RGS6: variants seen among roughly 807,000 people sequenced by gnomAD.
The protein encoded by RGS6 is regulator of G protein signaling 6, also known as regulator of G-protein signaling 6.
A neutral mutation model predicts 78.5 loss-of-function variants in RGS6; 30 were observed. The ratio of observed to expected loss-of-function variants is 0.38; its 90% CI spans 0.29 to 0.52. The LOEUF is 0.52. Ranked by LOEUF, RGS6 falls within the 20% of genes least tolerant of loss-of-function variation. RGS6 has a pLI of 0.85. For synonymous variants in RGS6, 206 were observed against 206.0 expected (o/e 1.00, Z 0.00); for missense variants, 495 against 609.7 (o/e 0.81, Z 1.98).
In RGS6 at chr14:72,472,909, T is replaced by G; in HGVS notation, c.574T>G (p.Leu192Val). ...RKKDKTERKI[L>V]DSQERAFWDV... is the part of the protein sequence containing the mutation. ...AAAAGACAAGACAGAAAGGAAAATT[T>G]TGGATAGTCAAGAACGAGCCTTTTG... The change falls in exon 9 of 18, where the codon TTG becomes GTG. Residue 192 changes from leucine to valine, a missense_variant. Transcript: ENST00000553525. The G allele has an allele frequency of 6.2e-7, 1 of 1,613,564 alleles. No individual in the cohort carries two copies. Among genetic ancestry groups the G allele is most frequent in the Non-Finnish European group, 8.5e-7 (1 of 1,179,742 alleles).
chr14:71,945,181 C>T (rs558074838), intron 1 of RGS6, among the ~76,000 whole-genome samples: 2 of 152,332 alleles, frequency 1.3e-5, no homozygotes, highest in Admixed American at 6.5e-5. Flanking sequence ...TGCCCCTTCT[C>T]ATTGCTCTTC....
intron 2 of RGS6, among the ~76,000 whole-genome samples, chr14:72,211,279 A>AG (rs1446481363): frequency 6.6e-6 from 1 of 152,228 alleles, no homozygotes; most frequent in African/African-American, 2.4e-5. Context: ...CAACAGTGTC[A>AG]GGTGCAGCTA....
chr14:72,014,790 A>G (rs1448433502), intron 2 of RGS6, among the ~76,000 whole-genome samples: 1 of 151,906 alleles, frequency 6.6e-6, no homozygotes, highest in Non-Finnish European at 1.5e-5. Flanking sequence ...TTTTTCTTTG[A>G]AAGACAGTGT....
At chr14:71,907,967 C>T in the RGS6 span, among the ~76,000 whole-genome samples, 1 of 152,264 alleles carries the variant, frequency 6.6e-6, no homozygotes, top group Non-Finnish European at 1.5e-5. Flanking sequence ...TCCTAAGGAA[C>T]ATTTTCCATC....
chr14:72,545,274 C>T (rs574282881), intron 17 of RGS6, among the ~76,000 whole-genome samples: 1 of 152,354 alleles, frequency 6.6e-6, no homozygotes, highest in South Asian at 2.1e-4. Context: ...AACCCTGGCC[C>T]TGGCTGGAGC....
intron 2 of RGS6, among the ~76,000 whole-genome samples, chr14:72,240,147 G>A (rs1208771103): frequency 1.3e-5 from 2 of 152,088 alleles, no homozygotes; most frequent in Non-Finnish European, 2.9e-5. Flanking sequence ...ACCCTCTAAC[G>A]GTGGCATTTC....
chr14:72,288,928 G>C (rs959841689), intron 2 of RGS6, among the ~76,000 whole-genome samples: 9 of 152,100 alleles, frequency 5.9e-5, no homozygotes, highest in African/African-American at 2.2e-4. Context: ...GGTTCACTTG[G>C]CCTGGATGTT....
At chr14:72,578,277 C>G in the RGS6 span, among the ~76,000 whole-genome samples, 5 of 152,166 alleles carry the variant, frequency 3.3e-5, no homozygotes, top group Non-Finnish European at 2.9e-5. Flanking sequence ...ATAGGACATG[C>G]CTCCCTTGAT....
chr14:72,029,554 A>T (rs1048574580), intron 2 of RGS6, among the ~76,000 whole-genome samples: 4 of 152,210 alleles, frequency 2.6e-5, no homozygotes, highest in African/African-American at 4.8e-5. Flanking sequence ...TCCAGCACCC[A>T]TAAGTACTTT....
intron 2 of RGS6, among the ~76,000 whole-genome samples, chr14:72,133,734 C>T (rs2153597543): frequency 6.6e-6 from 1 of 152,168 alleles, no homozygotes; most frequent in South Asian, 2.1e-4. Context: ...CTGAATGTGC[C>T]TGGCTGCTCT....
chr14:72,027,321 G>A (rs1366962882), intron 2 of RGS6, among the ~76,000 whole-genome samples: 3 of 152,122 alleles, frequency 2.0e-5, no homozygotes, highest in African/African-American at 7.2e-5. Context: ...GGTCAGGAGT[G>A]CCTCTTAGAG....
chr14:72,619,453 G>A, the RGS6 span: 28 of 1,439,436 alleles, frequency 1.9e-5, no homozygotes, highest in Non-Finnish European at 2.5e-5. Context: ...TGTAAATCCT[G>A]TTTCCTTTGA....
At chr14:71,926,090 C>G in the RGS6 span, among the ~76,000 whole-genome samples, 151 of 152,232 alleles carry the variant, frequency 9.9e-4, no homozygotes, top group Middle Eastern at 3.4e-3. Flanking sequence ...ATATGCTACC[C>G]AAAGTGATAT....
In RGS6 at chr14:72,537,017, G is replaced by A. The variant is rs531365369; in HGVS notation, c.1368+742G>A. On this transcript the variant is annotated intron_variant, in intron 16 of 17. Coordinates refer to ENST00000553525, the MANE Select transcript of RGS6 (RefSeq NM_001204424.2). Reference sequence around the variant, plus strand: ...AGCTAGATTCCTGGGAAGAGAGGAGGAAGAGTAGGCAGGAGAATAGGGTCC... The same window carrying A: ...AGCTAGATTCCTGGGAAGAGAGGAGAAAGAGTAGGCAGGAGAATAGGGTCC... Among the ~76,000 whole-genome samples, 5 of 152,278 alleles carry A rather than the reference G, an allele frequency of 3.3e-5. No individual in the cohort carries two copies. The East Asian group carries it at 5.8e-4, about 18-fold the overall frequency.
intron 6 of RGS6, among the ~76,000 whole-genome samples, chr14:72,460,196 G>A (rs1011703436): frequency 2.6e-5 from 4 of 152,162 alleles, no homozygotes; most frequent in African/African-American, 9.7e-5. Flanking sequence ...AAATAGAGTG[G>A]GTGAAGTTGA....
intron 2 of RGS6, among the ~76,000 whole-genome samples, chr14:72,326,361 A>G (rs2073764621): frequency 6.6e-6 from 1 of 152,182 alleles, no homozygotes; most frequent in Non-Finnish European, 1.5e-5. Context: ...AAGTATACTG[A>G]TAGAGTTTGG....
At chr14:72,048,145 G>A (rs1309518167) in intron 2 of RGS6, among the ~76,000 whole-genome samples, 2 of 152,064 alleles carry the variant, frequency 1.3e-5, no homozygotes, top group Non-Finnish European at 2.9e-5. Flanking sequence ...TTATACTTCT[G>A]AATGGGTAGT....
chr14:72,269,795 C>T (rs1375694361), intron 2 of RGS6, among the ~76,000 whole-genome samples: 3 of 151,914 alleles, frequency 2.0e-5, no homozygotes, highest in Non-Finnish European at 4.4e-5. Flanking sequence ...GAACTCCTGA[C>T]CTCTAGTGAT....
At chr14:72,621,714 G>C in the RGS6 span, among the ~76,000 whole-genome samples, 1 of 152,208 alleles carries the variant, frequency 6.6e-6, no homozygotes, top group Admixed American at 6.5e-5. Context: ...ATCCAGGTGC[G>C]TGATGATGGT....
Sources: gnomAD v4.1 joint callset for allele counts (sites outside exome capture counted in the v4.1 genomes callset) on GRCh38, gnomAD v4.1.1 for gene constraint, MANE v1.5 for transcripts, NCBI Gene and HGNC (gene_info 2026-07-23, HGNC 2026-07-21) for gene names.